The following NAALADL2 variants were observed in gnomAD, a reference collection of about 807,000 sequenced individuals.
NAALADL2 encodes inactive N-acetylated-alpha-linked acidic dipeptidase-like protein 2.
Under a neutral mutation model 87.2 loss-of-function variants are expected in NAALADL2, and 76 were observed. The observed-to-expected ratio is 0.87, with a 90% CI of 0.72 to 1.05. NAALADL2 has a LOEUF of 1.05. Ranked by LOEUF, NAALADL2 falls within the 50% of genes least tolerant of loss-of-function variation. NAALADL2 has a pLI of 0.00. For synonymous variants in NAALADL2, 354 were observed against 331.0 expected, an observed-to-expected ratio of 1.07 and a Z score of -0.75; for missense variants, 1,089 against 945.8, an observed-to-expected ratio of 1.15 and a Z score of -1.99.
chr3:174,582,393 C>G (rs74638268), intron 2 of NAALADL2, among the ~76,000 whole-genome samples: 1 of 152,032 alleles, frequency 6.6e-6, no homozygotes, highest in Non-Finnish European at 1.5e-5. Flanking sequence ...ACTGTATTAC[C>G]GGAAAGTGAA....
intron 9 of NAALADL2, among the ~76,000 whole-genome samples, chr3:175,490,379 T>G (rs751539465): frequency 1.4e-4 from 22 of 152,146 alleles, no homozygotes; most frequent in East Asian, 3.9e-4. Flanking sequence ...TATTTGTTTT[T>G]TTGTTGTTGT....
At chr3:174,830,668 A>G (rs1471436634) in intron 3 of NAALADL2, among the ~76,000 whole-genome samples, 1 of 152,108 alleles carries the variant, frequency 6.6e-6, no homozygotes, top group Non-Finnish European at 1.5e-5. Context: ...CTTGATGGGG[A>G]TGGCATTGAA....
chr3:175,381,724 A>T (rs988757489), intron 5 of NAALADL2, among the ~76,000 whole-genome samples: 1 of 152,218 alleles, frequency 6.6e-6, no homozygotes. Context: ...TTTGTCTTAG[A>T]AGGTAATTGA....
intron 1 of NAALADL2, among the ~76,000 whole-genome samples, chr3:174,913,702 C>T (rs763006813): frequency 1.1e-4 from 16 of 152,064 alleles, no homozygotes; most frequent in East Asian, 1.9e-4. Context: ...TACTATATTG[C>T]GCTGTAATGG....
At chr3:175,466,916 T>C in intron 7 of NAALADL2, 63 bp from the exon 8 acceptor site, 1 of 1,294,612 alleles carries the variant, frequency 7.7e-7, no homozygotes, top group Non-Finnish European at 1.1e-6. Flanking sequence ...TATGTAAATG[T>C]CATTAAATTT....
chr3:175,704,009 A>C (rs1370809633), intron 11 of NAALADL2, among the ~76,000 whole-genome samples: 1 of 152,100 alleles, frequency 6.6e-6, no homozygotes, highest in Non-Finnish European at 1.5e-5. Context: ...ATCAAAGTAA[A>C]TGGGTATGGA....
At chr3:175,228,187 A>C (rs1363441520) in intron 2 of NAALADL2, among the ~76,000 whole-genome samples, 1 of 151,954 alleles carries the variant, frequency 6.6e-6, no homozygotes, top group African/African-American at 2.4e-5. Flanking sequence ...TGAATAATCT[A>C]ATCTCTAATT....
At chr3:174,719,089 T>C (rs1731468903) in intron 2 of NAALADL2, among the ~76,000 whole-genome samples, 1 of 152,194 alleles carries the variant, frequency 6.6e-6, no homozygotes, top group Non-Finnish European at 1.5e-5. Flanking sequence ...TTAAGAAAGG[T>C]GGTTTATATT....
intron 1 of NAALADL2, among the ~76,000 whole-genome samples, chr3:175,020,025 A>G (rs572511024): frequency 4.6e-5 from 7 of 152,192 alleles, no homozygotes; most frequent in Non-Finnish European, 1.0e-4. Flanking sequence ...CCATCACAGT[A>G]TGTTACACAT....
At chr3:175,781,076 T>C (rs1050840558) in intron 13 of NAALADL2, among the ~76,000 whole-genome samples, 2 of 152,200 alleles carry the variant, frequency 1.3e-5, no homozygotes, top group African/African-American at 4.8e-5. Context: ...TCAACACTTA[T>C]TTTTAAGAGA....
At chr3:175,097,359 G>A in intron 2 of NAALADL2, 68 bp downstream of exon 2, 1 of 1,396,976 alleles carries the variant, frequency 7.2e-7, no homozygotes. Flanking sequence ...AGGGGGTATT[G>A]AACTGATGAT....
chr3:175,476,326 C>A (rs930888735), intron 9 of NAALADL2, among the ~76,000 whole-genome samples: 1 of 152,080 alleles, frequency 6.6e-6, no homozygotes, highest in African/African-American at 2.4e-5. Flanking sequence ...ACACAGTAAG[C>A]AGATGAAATG....
chr3:174,648,805 A>G (rs1401749723), intron 2 of NAALADL2, among the ~76,000 whole-genome samples: 1 of 152,064 alleles, frequency 6.6e-6, no homozygotes, highest in African/African-American at 2.4e-5. Flanking sequence ...TAAAGCTTGA[A>G]ATTATTTATA....
intron 2 of NAALADL2, among the ~76,000 whole-genome samples, chr3:175,143,190 ACACT>A (rs1730254603): frequency 1.3e-5 from 2 of 151,928 alleles, no homozygotes; most frequent in Non-Finnish European, 2.9e-5. Flanking sequence ...GTTCATACAC[ACACT>A]CACACACTCA....
chr3:174,525,461 C>A (rs1720657245), intron 1 of NAALADL2, among the ~76,000 whole-genome samples: 1 of 152,112 alleles, frequency 6.6e-6, no homozygotes, highest in Admixed American at 6.5e-5. Flanking sequence ...TTGTAAACAA[C>A]CAGATCTTGT....
intron 10 of NAALADL2, chr3:175,609,687 G>C (rs1334101904): frequency 2.0e-5 from 3 of 152,030 alleles, no homozygotes; most frequent in Non-Finnish European, 2.9e-5. Flanking sequence ...TCATTACAGT[G>C]TATGAACTAA....
chr3:175,123,881 A>T (rs1350089378), intron 2 of NAALADL2, among the ~76,000 whole-genome samples: 1 of 151,998 alleles, frequency 6.6e-6, no homozygotes, highest in Non-Finnish European at 1.5e-5. Flanking sequence ...CATGTTTCTT[A>T]AGAACAAAGC....
intron 2 of NAALADL2, among the ~76,000 whole-genome samples, chr3:174,653,181 A>G (rs1214220141): frequency 1.3e-5 from 2 of 152,216 alleles, no homozygotes; most frequent in African/African-American, 2.4e-5. Flanking sequence ...AAGTTCCAAC[A>G]TACATATTTT....
intron 1 of NAALADL2, among the ~76,000 whole-genome samples, chr3:174,999,309 A>G (rs1362736933): frequency 2.6e-5 from 4 of 151,190 alleles, no homozygotes; most frequent in African/African-American, 9.9e-5. Flanking sequence ...AGCAGCTAAT[A>G]GGGGGAAAAT....
Sources: allele counts gnomAD v4.1 joint callset (sites outside exome capture counted in the v4.1 genomes callset), GRCh38; gene constraint gnomAD v4.1.1; transcripts MANE v1.5; gene names NCBI Gene and HGNC (gene_info 2026-07-23, HGNC 2026-07-21).